OR2C1: variants seen among roughly 807,000 people sequenced by gnomAD.
OR2C1 encodes olfactory receptor 2C1.
For missense variants in OR2C1, 468 were observed against 388.3 expected, an observed-to-expected ratio of 1.21 and a Z score of -1.73; for synonymous variants, 209 against 167.3, an observed-to-expected ratio of 1.25 and a Z score of -1.92.
At chr16:3,333,460 C>G in the OR2C1 span, among the ~76,000 whole-genome samples, 94 of 152,008 alleles carry the variant, frequency 6.2e-4, no homozygotes, top group African/African-American at 2.2e-3. Context: ...CTCAGCCTCC[C>G]CAGTAGCTGG....
the OR2C1 span, among the ~76,000 whole-genome samples, chr16:3,348,665 C>T: frequency 6.6e-6 from 1 of 152,134 alleles, no homozygotes; most frequent in African/African-American, 2.4e-5. Flanking sequence ...TCACCCTGTA[C>T]CCCACCTGCA....
the OR2C1 span, among the ~76,000 whole-genome samples, chr16:3,345,299 A>C: frequency 9.2e-5 from 14 of 152,148 alleles, 1 homozygote; most frequent in East Asian, 2.7e-3. Context: ...CCTGGCTAAC[A>C]TGGTGAAACC....
At chr16:3,357,745 G>A (rs533067091), downstream of OR2C1, among the ~76,000 whole-genome samples, 1 of 152,258 alleles carries the variant, frequency 6.6e-6, no homozygotes, top group East Asian at 1.9e-4. Context: ...ACTTTGGGAG[G>A]CCGAGGCGGG....
At chr16:3,342,142 C>T in the OR2C1 span, among the ~76,000 whole-genome samples, 1 of 151,918 alleles carries the variant, frequency 6.6e-6, no homozygotes, top group Non-Finnish European at 1.5e-5. Context: ...TCCCAGCTGC[C>T]TGGGAGGCTG....
the OR2C1 span, among the ~76,000 whole-genome samples, chr16:3,342,686 T>C: frequency 1.3e-5 from 2 of 152,282 alleles, no homozygotes; most frequent in East Asian, 3.9e-4. Context: ...GAGATCAGCC[T>C]GGCCAACATG....
the OR2C1 span, chr16:3,323,938 G>T: frequency 1.3e-6 from 1 of 781,944 alleles, no homozygotes; most frequent in Non-Finnish European, 2.1e-6. Context: ...TTCTAGTGTT[G>T]TAGCTGCTGA....
the OR2C1 span, among the ~76,000 whole-genome samples, chr16:3,331,656 A>G: frequency 0.027 from 4,163 of 152,026 alleles, 195 homozygotes; most frequent in African/African-American, 0.092. Context: ...TCCTTTCCCC[A>G]TTGCTTGTTT....
At chr16:3,337,505 G>C in the OR2C1 span, among the ~76,000 whole-genome samples, 2 of 151,988 alleles carry the variant, frequency 1.3e-5, no homozygotes, top group African/African-American at 4.8e-5. Context: ...TCTCTCCTCT[G>C]CTTGATCCAT....
the OR2C1 span, among the ~76,000 whole-genome samples, chr16:3,339,678 G>C: frequency 3.3e-5 from 5 of 151,944 alleles, no homozygotes; most frequent in African/African-American, 7.3e-5. Flanking sequence ...GGATGGTCTC[G>C]ATCTCTTGAC....
chr16:3,342,697 G>C, the OR2C1 span, among the ~76,000 whole-genome samples: 2 of 152,154 alleles, frequency 1.3e-5, no homozygotes, highest in Non-Finnish European at 2.9e-5. Flanking sequence ...GGCCAACATG[G>C]TGAAACCCTG....
chr16:3,353,023 G>A (rs750326359), upstream of OR2C1, among the ~76,000 whole-genome samples: 1 of 151,710 alleles, frequency 6.6e-6, no homozygotes, highest in Non-Finnish European at 1.5e-5. Flanking sequence ...GATTACAGGC[G>A]TCAGCCACTG....
the OR2C1 span, among the ~76,000 whole-genome samples, chr16:3,340,985 A>C: frequency 6.6e-5 from 10 of 151,800 alleles, no homozygotes; most frequent in African/African-American, 2.2e-4. Flanking sequence ...CTTCCTGCAA[A>C]AAAAAAAGAC....
At chr16:3,331,290 C>T in the OR2C1 span, among the ~76,000 whole-genome samples, 1 of 151,956 alleles carries the variant, frequency 6.6e-6, no homozygotes, top group East Asian at 1.9e-4. Context: ...GATATCAGCC[C>T]TTTGTCAGAT....
At chr16:3,340,037 G>T in the OR2C1 span, among the ~76,000 whole-genome samples, 1 of 152,118 alleles carries the variant, frequency 6.6e-6, no homozygotes, top group African/African-American at 2.4e-5. Context: ...CCAGCACTTT[G>T]GGAGGCCAAA....
At chr16:3,325,566 C>T in the OR2C1 span, among the ~76,000 whole-genome samples, 16 of 145,582 alleles carry the variant, frequency 1.1e-4, no homozygotes, top group Non-Finnish European at 4.5e-5. Flanking sequence ...AAAATGGCAG[C>T]GATAGACTTG....
chr16:3,347,398 T>C, the OR2C1 span, among the ~76,000 whole-genome samples: 1 of 151,872 alleles, frequency 6.6e-6, no homozygotes, highest in African/African-American at 2.4e-5. Context: ...CTGTCTCTAA[T>C]TAAATTAAAC....
chr16:3,338,000 A>G, the OR2C1 span, among the ~76,000 whole-genome samples: 1 of 152,302 alleles, frequency 6.6e-6, no homozygotes, highest in Non-Finnish European at 1.5e-5. Context: ...TTTTGGCAGT[A>G]GACGGTGCCT....
chr16:3,347,337 G>A, the OR2C1 span, among the ~76,000 whole-genome samples: 2 of 151,048 alleles, frequency 1.3e-5, no homozygotes, highest in Non-Finnish European at 2.9e-5. Context: ...GGAGGCTTCT[G>A]TGAGCTAGGA....
At chr16:3,337,444 C>G in the OR2C1 span, among the ~76,000 whole-genome samples, 1 of 152,138 alleles carries the variant, frequency 6.6e-6, no homozygotes, top group Non-Finnish European at 1.5e-5. Flanking sequence ...GCTGGGATTA[C>G]AAGCATGGAC....
Sources: allele counts gnomAD v4.1 joint callset (sites outside exome capture counted in the v4.1 genomes callset), GRCh38; gene constraint gnomAD v4.1.1; transcripts MANE v1.5; gene names NCBI Gene and HGNC (gene_info 2026-07-23, HGNC 2026-07-21).